Variants in IGFBP1 observed in about 807,000 individuals in gnomAD.
IGFBP1 encodes the protein insulin-like growth factor-binding protein 1.
In IGFBP1, 31 loss-of-function variants were observed where a neutral mutation model predicts 23.1. The observed-to-expected ratio is 1.34, with a 90% confidence interval of 1.01 to 1.81. The LOEUF (loss-of-function observed/expected upper bound fraction) is 1.81, where lower values mean the gene tolerates loss of function less well. Ranked by LOEUF, IGFBP1 falls within the 40% of genes most tolerant of loss-of-function variation. The pLI is 0.00. For synonymous variants in IGFBP1, 148 were observed against 145.5 expected, an observed-to-expected ratio of 1.02 and a Z score of -0.13; for missense variants, 333 against 342.2, an observed-to-expected ratio of 0.97 and a Z score of 0.21.
In IGFBP1 at chr7:45,893,067, G is replaced by T. The variant is rs1209674213; in HGVS notation, c.756G>T (p.Gln252His). The T allele has an allele frequency of 6.2e-7, 1 of 1,611,972 alleles. No individual in the cohort carries two copies. The highest frequency in any genetic ancestry group is 8.5e-7 in the Non-Finnish European group (1 of 1,178,320). Residue 252 changes from glutamine (Q) to histidine (H), a missense_variant, in exon 4 of 4, where the codon CAG becomes CAT. Gln to His is a conservative substitution (Grantham distance 24). Transcript: ENST00000275525. ...SPEIRGDPNC[Q>H]IYFNVQN ...AGATCAGGGGAGACCCCAACTGCCA[G>T]ATATATTTTAATGTACAAAACTGAA... is the stretch of plus-strand genomic sequence containing the variant.
chr7:45,891,993 CAGG>C lies in IGFBP1; in HGVS notation c.584_586del (p.Gly195del), dbSNP rs1456916643. On this transcript the variant is annotated inframe_deletion, in exon 3 of 4. Transcript: ENST00000275525. ...AGTTTAGCCAAGGCACAGGAGACAT[CAGG>C]AGAAGAAATTTCCAAATTTTACCTG... 1 of 1,613,872 alleles carries C rather than the reference CAGG, an allele frequency of 6.2e-7. No individual in the cohort carries two copies. Among genetic ancestry groups the C allele is most frequent in the Non-Finnish European group, 8.5e-7 (1 of 1,179,732 alleles).
At chr7:45,892,671 T>A (rs9658221) in intron 3 of IGFBP1, among the ~76,000 whole-genome samples, 16,854 of 152,188 alleles carry the variant, frequency 0.11, 1,050 homozygotes, top group East Asian at 0.19. Flanking sequence ...TCCCTCTGGG[T>A]TGGGCTCCCC....
Position 45,888,624 on chromosome 7 carries a change from CG to C in IGFBP1, c.-27del, listed in dbSNP as rs1787016495. ...CCGCCGCCACCAGCCCAGAGAGCAT[CG>C]GCCCCTGTCTGCTGCTCGCGCCTGG... On this transcript the variant is annotated 5_prime_UTR_variant, in exon 1 of 4. Coordinates refer to ENST00000275525, the MANE Select transcript of IGFBP1 (RefSeq NM_000596.4). The C allele has an allele frequency of 6.4e-7, 1 of 1,568,178 alleles. No homozygotes were observed. Among genetic ancestry groups the C allele is most frequent in the Non-Finnish European group, 8.6e-7 (1 of 1,160,152 alleles).
intron 2 of IGFBP1, 89 bp from the exon 3 acceptor site, chr7:45,891,843 C>G (rs1787085128): frequency 2.2e-6 from 3 of 1,364,528 alleles, no homozygotes; most frequent in Middle Eastern, 1.9e-4. Context: ...GCCACTCCTG[C>G]TTCTACAAAA....
chr7:45,892,125 G>A, intron 3 of IGFBP1, 65 bp downstream of exon 3: 1 of 1,563,038 alleles, frequency 6.4e-7, no homozygotes, highest in Non-Finnish European at 8.7e-7. Context: ...TTCCTGCCAA[G>A]CCACGGTCAT....
At chr7:45,890,742 G>A (rs1787067485) in intron 2 of IGFBP1, 25 bp downstream of exon 2, 1 of 1,576,442 alleles carries the variant, frequency 6.3e-7, no homozygotes, top group Non-Finnish European at 8.6e-7. Flanking sequence ...GTGGGTGGTG[G>A]GAACTCTCCT....
intron 3 of IGFBP1, 138 bp downstream of exon 3, chr7:45,892,198 C>A: frequency 1.1e-6 from 1 of 870,160 alleles, no homozygotes; most frequent in Non-Finnish European, 1.8e-6. Context: ...GCCAGATCCA[C>A]CCCTCTGGGA....
At position 45,888,551 on chromosome 7, in the gene IGFBP1, G is replaced by A; in HGVS notation, c.-102G>A. The A allele has an allele frequency of 2.0e-6, 2 of 1,005,260 alleles. No homozygotes were observed. Among genetic ancestry groups the A allele is most frequent in the Non-Finnish European group, 3.0e-6 (2 of 676,244 alleles). The allele number at this position is 1,005,260 out of a possible 1,614,324, so 62.3% of individuals were successfully genotyped here. On this transcript the variant is annotated 5_prime_UTR_variant, in exon 1 of 4. Coordinates refer to ENST00000275525, the MANE Select transcript of IGFBP1 (RefSeq NM_000596.4). ...CGCGCCGCCGCCACCCTCCCAGAGA[G>A]CACTGGCCACCGCTCCACCATCACT...
In IGFBP1 at chr7:45,888,890, C is replaced by T. The variant is rs1259177665; in HGVS notation, c.238C>T (p.Arg80Trp). 6.7e-7 allele frequency: 1 copy of T among 1,503,076 alleles called. No homozygotes were observed. The highest frequency in any genetic ancestry group is 8.8e-7 in the Non-Finnish European group (1 of 1,136,780). 93.1% of individuals were successfully genotyped at this position (1,503,076 alleles called of 1,614,324 possible). A position where few individuals can be genotyped will look rare whatever the true frequency, so the allele number is the denominator to read the frequency against. ...ACGVATARCA[R>W]GLSCRALPGE... ...CGGCGTGGCGACTGCACGCTGCGCC[C>T]GGGGACTCAGTTGCCGCGCGCTGCC... The change falls in exon 1 of 4, where the codon CGG becomes TGG. Residue 80 changes from arginine (R) to tryptophan (W), a missense_variant. Transcript: ENST00000275525.
chr7:45,891,427 G>T (rs1787078758), intron 2 of IGFBP1, among the ~76,000 whole-genome samples: 1 of 152,166 alleles, frequency 6.6e-6, no homozygotes, highest in Admixed American at 6.5e-5. Context: ...GATAAATGGA[G>T]GAAAGTTAAT....
chr7:45,890,618 G>T lies in IGFBP1; in HGVS notation c.420G>T (p.Leu140=), dbSNP rs774088907. Residue 140 remains leucine (L), a synonymous_variant, in exon 2 of 4, where the codon CTG becomes CTT. Coordinates refer to ENST00000275525, the MANE Select transcript of IGFBP1 (RefSeq NM_000596.4). The part of the protein sequence containing the change: ...TEEELLDNFH[L]MAPSEEDHSI... ...AGGAGCTCCTGGATAATTTCCATCTGATGGCCCCTTCTGAAGAGGATCATT... is the reference window on the plus strand; with the variant it reads ...AGGAGCTCCTGGATAATTTCCATCTTATGGCCCCTTCTGAAGAGGATCATT... 1.2e-6 allele frequency: 2 copies of T among 1,613,946 alleles called. No homozygotes were observed. Among genetic ancestry groups the T allele is most frequent in the Non-Finnish European group, 1.7e-6 (2 of 1,179,938 alleles).
At chr7:45,890,864 C>A in intron 2 of IGFBP1, 147 bp downstream of exon 2, 1 of 707,670 alleles carries the variant, frequency 1.4e-6, no homozygotes, top group Admixed American at 3.2e-5. Context: ...GGCCATTTCT[C>A]AGTTAAACTT....
intron 1 of IGFBP1, among the ~76,000 whole-genome samples, chr7:45,889,990 T>C (rs9658205): frequency 0.1 from 15,671 of 152,114 alleles, 994 homozygotes; most frequent in East Asian, 0.21. Context: ...AAGATCCTCT[T>C]GCCATGGGGG....
In IGFBP1 at chr7:45,893,204, CT is replaced by C. The variant is rs1391701181; in HGVS notation, c.*118del. On this transcript the variant is annotated 3_prime_UTR_variant, in exon 4 of 4. Transcript: ENST00000275525. ...TATATGTATATATATATAGTAACTACTTTTTATACTCCATACATAACTTGAT... is the reference window on the plus strand; with the variant it reads ...TATATGTATATATATATAGTAACTACTTTTATACTCCATACATAACTTGAT... 30 of 436,340 alleles carry C rather than the reference CT, an allele frequency of 6.9e-5. No homozygotes were observed. The highest frequency in any genetic ancestry group is 1.8e-4 in the South Asian group (2 of 11,376). The allele number at this position is 436,340 out of a possible 1,614,324, so 27.0% of individuals were successfully genotyped here.
chr7:45,890,513 G>A (rs201275202), intron 1 of IGFBP1, 35 bp from the exon 2 acceptor site: 72 of 1,562,466 alleles, frequency 4.6e-5, no homozygotes, highest in Non-Finnish European at 5.8e-5. Context: ...GATGCTTTGG[G>A]AGGGCTCATG....
chr7:45,889,114 C>T lies in IGFBP1; in HGVS notation c.349+113C>T, dbSNP rs1787036391. 1.9e-5 allele frequency: 15 copies of T among 781,390 alleles called. No individual in the cohort carries two copies. The South Asian group carries it at 3.0e-4, about 16-fold the overall frequency. 48.4% of individuals were successfully genotyped at this position (781,390 alleles called of 1,614,324 possible). On this transcript the variant is annotated intron_variant, in intron 1 of 3. Transcript: ENST00000275525. ...GGGCTGCAGCCGGGCAGGGGCTTGT[C>T]CACAACTAGAGCTTGAAACCAGAGC...
rs368331647 is a variant in IGFBP1, at chr7:45,893,118, G to C, written c.*27G>C. On this transcript the variant is annotated 3_prime_UTR_variant, in exon 4 of 4. Coordinates refer to ENST00000275525, the MANE Select transcript of IGFBP1 (RefSeq NM_000596.4). ...ACCAGATGAAATAATGTTCTGTCAC[G>C]TGAAATATTTAAGTATATAGTATAT... The C allele has an allele frequency of 6.4e-7, 1 of 1,554,438 alleles. No homozygotes were observed. Among genetic ancestry groups the C allele is most frequent in the Admixed American group, 1.7e-5 (1 of 59,526 alleles).
At chr7:45,889,974 A>G (rs1787053844) in intron 1 of IGFBP1, among the ~76,000 whole-genome samples, 2 of 152,158 alleles carry the variant, frequency 1.3e-5, no homozygotes, top group Non-Finnish European at 1.5e-5. Context: ...TTTGGACTCT[A>G]TCTGCAAGAT....
In IGFBP1 at chr7:45,888,555, T is replaced by C. The variant is rs1437855229; in HGVS notation, c.-98T>C. On this transcript the variant is annotated 5_prime_UTR_variant, in exon 1 of 4. Transcript: ENST00000275525. ...CCGCCGCCACCCTCCCAGAGAGCACTGGCCACCGCTCCACCATCACTTGCC... is the reference window on the plus strand; with the variant it reads ...CCGCCGCCACCCTCCCAGAGAGCACCGGCCACCGCTCCACCATCACTTGCC... 3.8e-6 allele frequency: 4 copies of C among 1,053,100 alleles called. No individual in the cohort carries two copies. Among genetic ancestry groups the C allele is most frequent in the Non-Finnish European group, 5.6e-6 (4 of 718,890 alleles). 65.2% of individuals were successfully genotyped at this position (1,053,100 alleles called of 1,614,324 possible). A position where few individuals can be genotyped will look rare whatever the true frequency, so the allele number is the denominator to read the frequency against.
Sources: allele counts gnomAD v4.1 joint callset (sites outside exome capture counted in the v4.1 genomes callset), GRCh38; gene constraint gnomAD v4.1.1; transcripts MANE v1.5; gene names NCBI Gene and HGNC (gene_info 2026-07-23, HGNC 2026-07-21).